Variants in BCAS3 observed in about 807,000 individuals in gnomAD.
The protein encoded by BCAS3 is BCAS4/BCAS3 fusion.
Under a neutral mutation model 116.1 loss-of-function variants are expected in BCAS3, and 53 were observed. That is an observed-to-expected ratio of 0.46 (90% confidence interval 0.37 to 0.57). The LOEUF (loss-of-function observed/expected upper bound fraction) is 0.57, where lower values mean the gene tolerates loss of function less well. Ranked by LOEUF, BCAS3 falls within the 20% of genes least tolerant of loss-of-function variation. The probability of loss-of-function intolerance (pLI) is 0.00; values close to 1 mark genes in which losing one functional copy is unlikely to be tolerated. For missense variants in BCAS3, 917 were observed against 1,165.4 expected (o/e 0.79, Z 3.10); for synonymous variants, 391 against 408.2 (o/e 0.96, Z 0.51).
At chr17:60,818,288 T>C (rs191234340) in intron 7 of BCAS3, among the ~76,000 whole-genome samples, 1 of 152,342 alleles carries the variant, frequency 6.6e-6, no homozygotes, top group African/African-American at 2.4e-5. Flanking sequence ...GGCAAAAGCA[T>C]CATCTTGGAT....
intron 9 of BCAS3, among the ~76,000 whole-genome samples, chr17:60,881,048 C>T (rs1354990062): frequency 6.6e-6 from 1 of 152,182 alleles, no homozygotes; most frequent in African/African-American, 2.4e-5. Context: ...GATCTCAGCT[C>T]ACTGCAAGCT....
intron 14 of BCAS3, among the ~76,000 whole-genome samples, chr17:60,955,976 T>C (rs1255806427): frequency 6.6e-6 from 1 of 152,236 alleles, no homozygotes; most frequent in Non-Finnish European, 1.5e-5. Context: ...TGAGATGATG[T>C]CTGCTGGTCT....
rs117757112 is a variant in BCAS3 at position 61,032,303 on chromosome 17, T to C, written c.1638-2363T>C. On this transcript the variant is annotated intron_variant, in intron 16 of 23. Coordinates refer to ENST00000407086, the MANE Select transcript of BCAS3 (RefSeq NM_017679.5). The surrounding 1 kb of genome is among the most constrained non-coding windows in gnomAD (Gnocchi z 4.6). Reference sequence around the variant, plus strand: ...TGTCCCAATGAAGCTTGTTGGTACATTGTAGTAGCTTTGTTCTCTGATGGT... The same window carrying C: ...TGTCCCAATGAAGCTTGTTGGTACACTGTAGTAGCTTTGTTCTCTGATGGT... 8.5e-3 allele frequency among the ~76,000 whole-genome samples: 1,287 copies of C among 152,250 alleles called. 8 individuals carry two copies. The highest frequency in any genetic ancestry group is 0.012 in the Non-Finnish European group (800 of 67,982).
chr17:61,150,076 CAG>C (rs1169058522), intron 22 of BCAS3, among the ~76,000 whole-genome samples: 6 of 152,244 alleles, frequency 3.9e-5, no homozygotes, highest in African/African-American at 9.6e-5. Flanking sequence ...GAATGAGAAA[CAG>C]GGGAAGAGAG....
rs1051245754 is a variant in BCAS3, at chr17:61,307,223, A to G, written c.2426-61104A>G. 1.3e-5 allele frequency among the ~76,000 whole-genome samples: 2 copies of G among 152,240 alleles called. No individual in the cohort carries two copies. Among genetic ancestry groups the G allele is most frequent in the Non-Finnish European group, 2.9e-5 (2 of 68,040 alleles). ...CATTGGTTTCCAGCCCTGTGGCCCC[A>G]GAATACCCCACAGTTACACCTCAGC... is the stretch of plus-strand genomic sequence containing the variant. On this transcript the variant is annotated intron_variant, in intron 22 of 23. Transcript: ENST00000407086. The surrounding 1 kb of genome is among the most constrained non-coding windows in gnomAD (Gnocchi z 4.7).
At chr17:60,690,723 C>T (rs746511324) in intron 4 of BCAS3, among the ~76,000 whole-genome samples, 4 of 151,972 alleles carry the variant, frequency 2.6e-5, no homozygotes, top group Admixed American at 6.6e-5. Context: ...GAGTTCAAGA[C>T]CAGCCTGGCC....
In BCAS3 at chr17:61,323,878, G is replaced by C. The variant is rs993494381; in HGVS notation, c.2426-44449G>C. ...CCCTGTGTGGGTTCCTTGGCTCCGT[G>C]TTTCTCGTCTTTCCCAGACGCTTCT... On this transcript the variant is annotated intron_variant, in intron 22 of 23. Transcript: ENST00000407086. This position sits in a 1 kb window ranked among gnomAD's most constrained non-coding sequence, Gnocchi z 4.6. 1.3e-5 allele frequency among the ~76,000 whole-genome samples: 2 copies of C among 152,248 alleles called. No homozygotes were observed. The highest frequency in any genetic ancestry group is 1.3e-4 in the Admixed American group (2 of 15,286).
At chr17:61,312,763 C>G (rs1250063082) in intron 22 of BCAS3, among the ~76,000 whole-genome samples, 1 of 152,192 alleles carries the variant, frequency 6.6e-6, no homozygotes, top group Non-Finnish European at 1.5e-5. Flanking sequence ...CTACCACCAT[C>G]GGGGACATCA....
chr17:61,311,001 C>T (rs189786246), intron 22 of BCAS3, among the ~76,000 whole-genome samples: 24 of 152,236 alleles, frequency 1.6e-4, no homozygotes, highest in African/African-American at 5.8e-4. Context: ...AAGTTACTTA[C>T]CTCTCTGTGC....
chr17:61,016,804 C>T (rs1007016756), intron 16 of BCAS3, among the ~76,000 whole-genome samples: 6 of 152,122 alleles, frequency 3.9e-5, no homozygotes, highest in African/African-American at 1.2e-4. Flanking sequence ...TTGGCTGCTA[C>T]GTCAATATAT....
In BCAS3 at chr17:60,962,908, A is replaced by G. The variant is rs936367325; in HGVS notation, c.1221+15556A>G. 2.6e-5 allele frequency among the ~76,000 whole-genome samples: 4 copies of G among 152,084 alleles called. No individual in the cohort carries two copies. The highest frequency in any genetic ancestry group is 6.6e-5 in the Admixed American group (1 of 15,258). ...TACGTCTTTAATCGATTTTGATTTGATTTTTGTTATGGTGAGAGATAGAGG... is the reference window on the plus strand; with the variant it reads ...TACGTCTTTAATCGATTTTGATTTGGTTTTTGTTATGGTGAGAGATAGAGG... On this transcript the variant is annotated intron_variant, in intron 14 of 23. Transcript: ENST00000407086. The surrounding 1 kb of genome is among the most constrained non-coding windows in gnomAD (Gnocchi z 4.4).
At chr17:61,246,733 C>T (rs940797017) in intron 22 of BCAS3, among the ~76,000 whole-genome samples, 1 of 151,716 alleles carries the variant, frequency 6.6e-6, no homozygotes, top group Non-Finnish European at 1.5e-5. Context: ...AATACAATAT[C>T]AACCATTCAG....
Position 61,196,978 on chromosome 17 carries a change from A to G in BCAS3, c.2425+112414A>G, listed in dbSNP as rs1167917752. 6.6e-6 allele frequency among the ~76,000 whole-genome samples: 1 copy of G among 152,230 alleles called. No homozygotes were observed. The highest frequency in any genetic ancestry group is 2.4e-5 in the African/African-American group (1 of 41,466). On this transcript the variant is annotated intron_variant, in intron 22 of 23. Coordinates refer to ENST00000407086, the MANE Select transcript of BCAS3 (RefSeq NM_017679.5). The surrounding 1 kb of genome is among the most constrained non-coding windows in gnomAD (Gnocchi z 4.7). ...ATAATTGTGGTGTTGGCTCACTCCCAGAATTTTATCCAAGGGATAGGGTTC... is the reference window on the plus strand; with the variant it reads ...ATAATTGTGGTGTTGGCTCACTCCCGGAATTTTATCCAAGGGATAGGGTTC...
intron 6 of BCAS3, among the ~76,000 whole-genome samples, chr17:60,798,587 C>A (rs2047420847): frequency 6.6e-6 from 1 of 152,158 alleles, no homozygotes; most frequent in Admixed American, 6.6e-5. Flanking sequence ...CATTCATCTG[C>A]TGAAGAACAT....
intron 5 of BCAS3, among the ~76,000 whole-genome samples, chr17:60,732,431 T>A (rs893692511): frequency 6.6e-6 from 1 of 152,162 alleles, no homozygotes; most frequent in African/African-American, 2.4e-5. Flanking sequence ...TGATCTTGGA[T>A]GAGATTATGA....
chr17:60,887,713 C>T (rs1234228332), intron 9 of BCAS3, among the ~76,000 whole-genome samples: 1 of 152,088 alleles, frequency 6.6e-6, no homozygotes, highest in Non-Finnish European at 1.5e-5. Flanking sequence ...TTTTATTTGT[C>T]CTTGCCAGGA....
chr17:61,067,569 T>C (rs1272991177), intron 19 of BCAS3, among the ~76,000 whole-genome samples: 1 of 148,832 alleles, frequency 6.7e-6, no homozygotes, highest in Non-Finnish European at 1.5e-5. Context: ...ATACAAAAAT[T>C]AGCTGGGTGT....
chr17:60,684,220 G>C lies in BCAS3; in HGVS notation c.138+184G>C, dbSNP rs537962098. Among the ~76,000 whole-genome samples the C allele has an allele frequency of 7.7e-4, 118 of 152,260 alleles. 1 individual carries two copies. The highest frequency in any genetic ancestry group is 9.7e-4 in the Non-Finnish European group (66 of 68,026). On this transcript the variant is annotated intron_variant, in intron 3 of 23. Coordinates refer to ENST00000407086, the MANE Select transcript of BCAS3 (RefSeq NM_017679.5). ...GTGCCGCAGTGTTGTGATGACAGTG[G>C]CATAAATATTATTCCTTAGGACTTT...
Position 61,337,660 on chromosome 17 carries a change from G to T in BCAS3, c.2426-30667G>T, listed in dbSNP as rs1034009521. Among the ~76,000 whole-genome samples, 2 of 152,122 alleles carry T rather than the reference G, an allele frequency of 1.3e-5. No individual in the cohort carries two copies. The highest frequency in any genetic ancestry group is 2.9e-5 in the Non-Finnish European group (2 of 68,008). ...ACCTAAACTGAATGTTGGTGGGATTGTTTTTATTGTTTTTTTTTCCTTTTT... is the reference window on the plus strand; with the variant it reads ...ACCTAAACTGAATGTTGGTGGGATTTTTTTTATTGTTTTTTTTTCCTTTTT... On this transcript the variant is annotated intron_variant, in intron 22 of 23. Transcript: ENST00000407086. The surrounding 1 kb of genome is among the most constrained non-coding windows in gnomAD (Gnocchi z 4.8).
Sources: allele counts gnomAD v4.1 joint callset (sites outside exome capture counted in the v4.1 genomes callset), GRCh38; gene constraint gnomAD v4.1.1; non-coding constraint Gnocchi (gnomAD v3.1); transcripts MANE v1.5; gene names NCBI Gene and HGNC (gene_info 2026-07-23, HGNC 2026-07-21).